VCF2: variants seen among roughly 807,000 people sequenced by gnomAD.
VCF2 encodes protein VCF2.
chrX:55,143,843 A>C, the VCF2 span: 2 of 1,207,352 alleles, frequency 1.7e-6, no homozygotes, highest in Non-Finnish European at 2.2e-6. Context: ...AAAGGACATA[A>C]ACCAGTTTAT....
the VCF2 span, among the ~76,000 whole-genome samples, chrX:55,160,542 G>A: frequency 8.9e-6 from 1 of 112,146 alleles, no homozygotes; most frequent in African/African-American, 3.2e-5. Flanking sequence ...TATGATTAAT[G>A]GTCACGGCTG....
At chrX:55,144,456 GA>G in the VCF2 span, among the ~76,000 whole-genome samples, 1 of 111,556 alleles carries the variant, frequency 9.0e-6, no homozygotes, top group Non-Finnish European at 1.9e-5. Context: ...ATCTAATTAA[GA>G]AATAATTGAC....
At chrX:55,153,521 A>ATT in the VCF2 span, among the ~76,000 whole-genome samples, 6 of 100,853 alleles carry the variant, frequency 5.9e-5, no homozygotes, top group East Asian at 6.2e-4. Flanking sequence ...CGCCCAGCTA[A>ATT]TTTTTTTTTT....
chrX:55,150,561 T>C, the VCF2 span, among the ~76,000 whole-genome samples: 3 of 111,841 alleles, frequency 2.7e-5, no homozygotes, highest in African/African-American at 9.7e-5. Context: ...AGCCCAGGGA[T>C]TGGGAACCTC....
chrX:55,156,768 T>C, the VCF2 span, among the ~76,000 whole-genome samples: 1 of 111,787 alleles, frequency 8.9e-6, no homozygotes, highest in East Asian at 2.8e-4. Context: ...TATACAACTA[T>C]TTAAAAATCT....
the VCF2 span, chrX:55,145,407 C>T: frequency 5.3e-6 from 4 of 753,773 alleles, no homozygotes; most frequent in Non-Finnish European, 6.3e-6. Context: ...CAGAAGGTAT[C>T]TAAGTATACA....
the VCF2 span, chrX:55,146,432 C>G: frequency 1.6e-6 from 1 of 619,600 alleles, no homozygotes; most frequent in Non-Finnish European, 2.6e-6. Context: ...CAAAGTAGAG[C>G]CATTTAAGAT....
At chrX:55,145,261 TG>T in the VCF2 span, 1 of 672,077 alleles carries the variant, frequency 1.5e-6, no homozygotes, top group South Asian at 7.7e-5. Flanking sequence ...ACATAATAGA[TG>T]GAATTATGAG....
the VCF2 span, among the ~76,000 whole-genome samples, chrX:55,157,627 A>T: frequency 8.9e-6 from 1 of 111,934 alleles, no homozygotes; most frequent in Non-Finnish European, 1.9e-5. Context: ...AAATAACAGG[A>T]TTCATAGACC....
chrX:55,154,747 T>G, the VCF2 span, among the ~76,000 whole-genome samples: 1 of 112,551 alleles, frequency 8.9e-6, no homozygotes, highest in Non-Finnish European at 1.9e-5. Context: ...ACACTTTGAC[T>G]CGTGTGCATA....
At chrX:55,149,306 A>C in the VCF2 span, among the ~76,000 whole-genome samples, 1 of 110,454 alleles carries the variant, frequency 9.1e-6, no homozygotes, top group African/African-American at 3.3e-5. Flanking sequence ...TTTTTCTTTT[A>C]AATCAAGGTT....
the VCF2 span, among the ~76,000 whole-genome samples, chrX:55,155,941 C>CTTTTTTTTTTT: frequency 2.0e-5 from 1 of 50,526 alleles, no homozygotes; most frequent in Non-Finnish European, 4.5e-5. Context: ...TCTTCTTCTT[C>CTTTTTTTTTTT]TTTTTTTTTT....
the VCF2 span, among the ~76,000 whole-genome samples, chrX:55,152,106 T>C: frequency 6.4e-3 from 697 of 108,712 alleles, 8 homozygotes; most frequent in African/African-American, 0.022. Context: ...TTAGCCGGGA[T>C]GGTCTCGATC....
the VCF2 span, chrX:55,143,817 G>A: frequency 8.3e-7 from 1 of 1,205,582 alleles, no homozygotes; most frequent in Non-Finnish European, 1.1e-6. Context: ...GAAGTATTGA[G>A]TTTTATTTCA....
At chrX:55,151,399 A>T in the VCF2 span, among the ~76,000 whole-genome samples, 1 of 112,549 alleles carries the variant, frequency 8.9e-6, no homozygotes, top group Non-Finnish European at 1.9e-5. Flanking sequence ...GGAGTCCCAG[A>T]TTATCTTGGG....
chrX:55,146,033 C>T, the VCF2 span: 2 of 1,177,347 alleles, frequency 1.7e-6, no homozygotes, highest in South Asian at 3.7e-5. Context: ...GGTGTGTATG[C>T]AATTGCTTTT....
At chrX:55,147,798 T>G in the VCF2 span, among the ~76,000 whole-genome samples, 2 of 110,165 alleles carry the variant, frequency 1.8e-5, no homozygotes, top group East Asian at 5.6e-4. Context: ...CATTAAAAAT[T>G]CATAGGCTAG....
the VCF2 span, chrX:55,158,973 A>G: frequency 8.1e-6 from 3 of 372,472 alleles, no homozygotes; most frequent in Non-Finnish European, 1.3e-5. Context: ...ACTATATCAT[A>G]ATTTAAAGCT....
the VCF2 span, among the ~76,000 whole-genome samples, chrX:55,156,848 T>TA: frequency 8.9e-6 from 1 of 112,029 alleles, no homozygotes; most frequent in South Asian, 3.7e-4. Flanking sequence ...AAAAGACTGA[T>TA]AGGTAATCCT....
Sources: allele counts gnomAD v4.1 joint callset (sites outside exome capture counted in the v4.1 genomes callset), GRCh38; gene constraint gnomAD v4.1.1; transcripts MANE v1.5; gene names NCBI Gene and HGNC (gene_info 2026-07-23, HGNC 2026-07-21).